The following PRDM11 variants were observed in gnomAD, a reference collection of about 807,000 sequenced individuals.
PRDM11 encodes the protein PR domain-containing protein 11.
In PRDM11, 20 loss-of-function variants were observed where a neutral mutation model predicts 97.8. The ratio of observed to expected loss-of-function variants is 0.20; its 90% CI spans 0.14 to 0.30. The LOEUF (loss-of-function observed/expected upper bound fraction) is 0.30. Among genes scored for constraint, PRDM11 ranks in the 10% least tolerant of loss-of-function variants. The probability of loss-of-function intolerance (pLI) is 1.00; values close to 1 mark genes in which losing one functional copy is unlikely to be tolerated. For synonymous variants in PRDM11, 599 were observed against 637.7 expected (o/e 0.94, Z 0.91); for missense variants, 1,139 against 1,555.2 (o/e 0.73, Z 4.50).
intron 6 of PRDM11, among the ~76,000 whole-genome samples, chr11:45,223,346 A>G (rs1330654552): frequency 2.0e-5 from 3 of 152,244 alleles, no homozygotes; most frequent in Non-Finnish European, 4.4e-5. Context: ...AAAATAATTT[A>G]TGGTTCAGGA....
chr11:45,116,865 G>A (rs1429156254), intron 1 of PRDM11, among the ~76,000 whole-genome samples: 1 of 151,984 alleles, frequency 6.6e-6, no homozygotes, highest in Non-Finnish European at 1.5e-5. Flanking sequence ...AGGCTCAAAT[G>A]CAAGAAAGAA....
intron 4 of PRDM11, among the ~76,000 whole-genome samples, chr11:45,194,808 C>T (rs1177114152): frequency 2.0e-5 from 3 of 151,308 alleles, no homozygotes; most frequent in South Asian, 2.1e-4. Flanking sequence ...CCGTTTTAGC[C>T]GGGATGGTCT....
At chr11:45,162,961 T>C (rs1272609972) in intron 1 of PRDM11, among the ~76,000 whole-genome samples, 1 of 152,080 alleles carries the variant, frequency 6.6e-6, no homozygotes, top group Non-Finnish European at 1.5e-5. Flanking sequence ...GAGGGTCCAG[T>C]GTGGTGATAT....
chr11:45,128,226 C>T (rs900274578), intron 1 of PRDM11, among the ~76,000 whole-genome samples: 16 of 152,296 alleles, frequency 1.1e-4, no homozygotes, highest in Non-Finnish European at 1.9e-4. Context: ...GGGAGTGACC[C>T]AATTTTCCAG....
At chr11:45,212,357 G>T (rs1350349830) in intron 5 of PRDM11, 2 of 339,014 alleles carry the variant, frequency 5.9e-6, no homozygotes, top group Non-Finnish European at 1.2e-5. Flanking sequence ...TAGACCGCAG[G>T]GTGGCAGGGC....
chr11:45,225,685 T>C (rs1264535605), intron 7 of PRDM11, among the ~76,000 whole-genome samples: 2 of 152,212 alleles, frequency 1.3e-5, no homozygotes, highest in East Asian at 3.9e-4. Context: ...TCTCCTAGCT[T>C]GAGCTGTCCA....
chr11:45,142,264 T>C (rs1458402073), upstream of PRDM11, among the ~76,000 whole-genome samples: 1 of 152,142 alleles, frequency 6.6e-6, no homozygotes, highest in Non-Finnish European at 1.5e-5. Context: ...TCCCCACATC[T>C]GCTTCTTGTC....
intron 1 of PRDM11, among the ~76,000 whole-genome samples, chr11:45,181,044 G>A (rs1852477266): frequency 6.6e-6 from 1 of 152,186 alleles, no homozygotes; most frequent in South Asian, 2.1e-4. Flanking sequence ...CCAGTCCCAG[G>A]GCCCAGCGCC....
chr11:45,109,524 C>T (rs887342712), intron 1 of PRDM11, among the ~76,000 whole-genome samples: 23 of 152,250 alleles, frequency 1.5e-4, no homozygotes, highest in Middle Eastern at 3.4e-3. Context: ...GGAGACCACT[C>T]GGAGGAGCCC....
chr11:45,233,082 A>G lies in PRDM11; in HGVS notation c.*4923A>G, dbSNP rs1196797681. 6.6e-6 allele frequency: 1 copy of G among 152,196 alleles called. No homozygotes were observed. Among genetic ancestry groups the G allele is most frequent in the Admixed American group, 6.5e-5 (1 of 15,284 alleles). 9.4% of individuals were successfully genotyped at this position (152,196 alleles called of 1,614,324 possible). ...ACGTATACACACAGAGTAAGAGAGT[A>G]AATCACGTCTATATATCTATAAATA... On this transcript the variant is annotated 3_prime_UTR_variant, in exon 8 of 8. Coordinates refer to ENST00000683152, the MANE Select transcript of PRDM11 (RefSeq NM_001384648.1).
In PRDM11 at chr11:45,181,960, C is replaced by G. The variant is rs1852522288; in HGVS notation, c.119+75C>G. 5 of 1,350,040 alleles carry G rather than the reference C, an allele frequency of 3.7e-6. No homozygotes were observed. The Admixed American group carries it at 1.0e-4, about 27-fold the overall frequency. 83.6% of individuals were successfully genotyped at this position (1,350,040 alleles called of 1,614,324 possible). A position where few individuals can be genotyped will look rare whatever the true frequency, so the allele number is the denominator to read the frequency against. ...GCCTGGGCTCGGTTGGTTGGGAACC[C>G]TGGGAAACGTTCTCACTCCTTGCCC... On this transcript the variant is annotated intron_variant, in intron 2 of 7. Transcript: ENST00000683152.
At chr11:45,224,028 C>T (rs748218543) in intron 6 of PRDM11, among the ~76,000 whole-genome samples, 189 bp from the exon 7 acceptor site, 1 of 152,220 alleles carries the variant, frequency 6.6e-6, no homozygotes, top group Non-Finnish European at 1.5e-5. Flanking sequence ...TTCCACCGTT[C>T]AGGTCCTATG....
chr11:45,122,286 T>C (rs1357879944), intron 1 of PRDM11, among the ~76,000 whole-genome samples: 1 of 149,832 alleles, frequency 6.7e-6, no homozygotes, highest in Non-Finnish European at 1.5e-5. Flanking sequence ...GTACAGGTTC[T>C]AGAGACATTT....
intron 5 of PRDM11, among the ~76,000 whole-genome samples, chr11:45,209,497 G>A (rs1010748271): frequency 4.6e-5 from 7 of 152,016 alleles, no homozygotes; most frequent in Admixed American, 3.3e-4. Context: ...GAGCATCTCC[G>A]TGCCAGAGCC....
At chr11:45,137,386 T>G (rs1477458615) in intron 1 of PRDM11, among the ~76,000 whole-genome samples, 2 of 150,460 alleles carry the variant, frequency 1.3e-5, no homozygotes, top group African/African-American at 4.9e-5. Context: ...TGAGCTGAGA[T>G]CGCAGCACTG....
chr11:45,209,465 C>A (rs545526633), intron 5 of PRDM11, among the ~76,000 whole-genome samples: 49 of 152,258 alleles, frequency 3.2e-4, no homozygotes, highest in Admixed American at 4.6e-4. Flanking sequence ...TCCCTTTTTG[C>A]ATTCATTCTC....
intron 5 of PRDM11, among the ~76,000 whole-genome samples, chr11:45,206,543 A>G (rs1447608224): frequency 6.6e-6 from 1 of 152,150 alleles, no homozygotes; most frequent in African/African-American, 2.4e-5. Flanking sequence ...AGGCGCCGGG[A>G]GCTTTGCCCA....
intron 7 of PRDM11, 113 bp from the exon 8 acceptor site, chr11:45,225,882 G>T: frequency 7.6e-7 from 1 of 1,311,824 alleles, no homozygotes; most frequent in South Asian, 1.7e-5. Context: ...GGCTTCCACG[G>T]ACTTCTGTTT....
intron 4 of PRDM11, among the ~76,000 whole-genome samples, chr11:45,190,018 G>A (rs187080301): frequency 1.3e-5 from 2 of 152,218 alleles, no homozygotes; most frequent in Admixed American, 1.3e-4. Flanking sequence ...TTGAAAAGTT[G>A]CAAGAATAGT....
Sources: allele counts gnomAD v4.1 joint callset (sites outside exome capture counted in the v4.1 genomes callset), GRCh38; gene constraint gnomAD v4.1.1; transcripts MANE v1.5; gene names NCBI Gene and HGNC (gene_info 2026-07-23, HGNC 2026-07-21).